The following ELF1 variants were observed in gnomAD, a reference collection of about 807,000 sequenced individuals.
ELF1 encodes the protein ETS-related transcription factor Elf-1.
Under a neutral mutation model 59.9 loss-of-function variants are expected in ELF1, and 24 were observed. The observed-to-expected ratio is 0.40, with a 90% CI of 0.29 to 0.56. The LOEUF is 0.56. ELF1 is among the 20% of genes least tolerant of loss of function. The probability of loss-of-function intolerance (pLI) is 0.44; values close to 1 mark genes in which losing one functional copy is unlikely to be tolerated. For missense variants in ELF1, 627 were observed against 742.2 expected (o/e 0.84, Z 1.80); for synonymous variants, 248 against 266.2 (o/e 0.93, Z 0.67).
chr13:41,028,165 T>C (rs79255372), intron 1 of ELF1, among the ~76,000 whole-genome samples: 535 of 152,290 alleles, frequency 3.5e-3, no homozygotes, highest in African/African-American at 0.012. Flanking sequence ...CAATAATGAT[T>C]CCATGGAACT....
At position 40,933,512 on chromosome 13, in the gene ELF1, A is replaced by G. The variant is rs1382495788; in HGVS notation, c.1773T>C (p.Pro591=). The part of the protein sequence containing the change: ...NTEKTEQQPQ[P]YVMVVSSSNG... Reference sequence around the variant, plus strand: ...TGGAACTGGACACTACCATCACATAAGGCTGTGGCTGCTGCTCCGTTTTCT... The same window carrying G: ...TGGAACTGGACACTACCATCACATAGGGCTGTGGCTGCTGCTCCGTTTTCT... The change falls in exon 9 of 9, where the codon CCT becomes CCC. Residue 591 remains proline, a synonymous_variant. Transcript: ENST00000239882. 3.1e-6 allele frequency: 5 copies of G among 1,614,262 alleles called. No homozygotes were observed. In the East Asian group the frequency reaches 6.7e-5, roughly 22 times the overall value.
intron 1 of ELF1, among the ~76,000 whole-genome samples, chr13:41,038,066 T>TAAAAAAAAAAAAAAAAAAAAAAAAAA (rs4053825): frequency 7.9e-6 from 1 of 126,610 alleles, no homozygotes. Context: ...GAAGAAACCT[T>TAAAAAAAAAAAAAAAAAAAAAAAAAA]AAAAAAAAAA....
chr13:41,047,243 G>T (rs1876885845), intron 1 of ELF1, among the ~76,000 whole-genome samples: 1 of 152,186 alleles, frequency 6.6e-6, no homozygotes, highest in Non-Finnish European at 1.5e-5. Flanking sequence ...TTAGCTCAGA[G>T]AAGTTTGATC....
At chr13:41,008,358 CAACT>C (rs1402013285) in intron 1 of ELF1, among the ~76,000 whole-genome samples, 2 of 152,076 alleles carry the variant, frequency 1.3e-5, no homozygotes, top group African/African-American at 2.4e-5. Context: ...TCAAGGAAAA[CAACT>C]AACAGCAATT....
Position 40,943,111 on chromosome 13 carries a change from G to A in ELF1, c.647C>T (p.Ala216Val), listed in dbSNP as rs1321203417. The change falls in exon 7 of 9, where the codon GCA becomes GTA. Residue 216 changes from alanine (A) to valine (V), a missense_variant. Ala to Val is a moderately conservative substitution (Grantham distance 64, BLOSUM62 0). Around this residue, in one of 3 missense-constraint regions of ELF1, gnomAD observed 232 missense variants for 269.2 expected, o/e 0.86. Coordinates refer to ENST00000239882, the MANE Select transcript of ELF1 (RefSeq NM_172373.4). ...NTIYLWEFLL[A>V]LLQDKATCPK... is the part of the protein sequence containing the mutation. The stretch of plus-strand genomic sequence containing the variant: ...ACAAGTAGCCTTGTCCTGGAGCAGT[G>A]CCAGTAAAAACTCCCAAAGATAAAT... The A allele has an allele frequency of 3.2e-6, 5 of 1,552,034 alleles. No homozygotes were observed. Among genetic ancestry groups the A allele is most frequent in the Non-Finnish European group, 4.4e-6 (5 of 1,146,834 alleles).
intron 1 of ELF1, among the ~76,000 whole-genome samples, chr13:40,984,929 A>T (rs78604481): frequency 0.011 from 1,737 of 152,324 alleles, 15 homozygotes; most frequent in Non-Finnish European, 0.02. Flanking sequence ...TCTTTCAGAA[A>T]TCTAAAAAAT....
At chr13:41,018,064 A>C (rs143506475) in intron 1 of ELF1, among the ~76,000 whole-genome samples, 1 of 152,364 alleles carries the variant, frequency 6.6e-6, no homozygotes, top group African/African-American at 2.4e-5. Flanking sequence ...ACAGGCCTTC[A>C]AGCACTTAGT....
At chr13:40,958,559 T>C (rs999716904) in intron 3 of ELF1, among the ~76,000 whole-genome samples, 2 of 151,712 alleles carry the variant, frequency 1.3e-5, no homozygotes, top group African/African-American at 4.8e-5. Flanking sequence ...CAGTGAAGAC[T>C]TGATGAATTG....
At chr13:40,961,578 G>A (rs1431844275) in intron 2 of ELF1, among the ~76,000 whole-genome samples, 3 of 151,858 alleles carry the variant, frequency 2.0e-5, no homozygotes, top group African/African-American at 4.8e-5. Flanking sequence ...AAAAAAGAAA[G>A]AAAAAAATTA....
intron 1 of ELF1, among the ~76,000 whole-genome samples, chr13:41,008,440 C>T (rs531006938): frequency 2.0e-5 from 3 of 152,176 alleles, no homozygotes; most frequent in South Asian, 2.1e-4. Flanking sequence ...ATGTATCTAC[C>T]GCTTTGACTC....
intron 1 of ELF1, among the ~76,000 whole-genome samples, chr13:40,988,890 T>C (rs9566645): frequency 0.18 from 28,019 of 152,130 alleles, 2,759 homozygotes; most frequent in East Asian, 0.26. Context: ...AACCTCCGCC[T>C]GGGTTCAAGT....
intron 1 of ELF1, among the ~76,000 whole-genome samples, chr13:41,049,540 A>T (rs1876996534): frequency 6.6e-6 from 1 of 152,174 alleles, no homozygotes; most frequent in Non-Finnish European, 1.5e-5. Context: ...GATACCTTGC[A>T]GCCTCATCTC....
At chr13:41,023,871 T>C (rs1875780865), upstream of ELF1, among the ~76,000 whole-genome samples, 1 of 152,214 alleles carries the variant, frequency 6.6e-6, no homozygotes, top group Middle Eastern at 3.2e-3. Context: ...TTCCTAAAAC[T>C]GCTCACTGAG....
chr13:41,037,197 T>C (rs1035140817), intron 1 of ELF1, among the ~76,000 whole-genome samples: 1 of 152,088 alleles, frequency 6.6e-6, no homozygotes, highest in Non-Finnish European at 1.5e-5. Context: ...ATGTGCTAAG[T>C]GTCATATACA....
chr13:40,944,069 G>A (rs1870355740), intron 5 of ELF1, 144 bp from the exon 6 acceptor site: 2 of 674,426 alleles, frequency 3.0e-6, no homozygotes, highest in Non-Finnish European at 4.9e-6. Flanking sequence ...TTAAAATGCT[G>A]TTTACTAAAA....
intron 1 of ELF1, among the ~76,000 whole-genome samples, chr13:40,990,172 A>AATAC (rs1166928109): frequency 6.6e-6 from 1 of 152,218 alleles, no homozygotes; most frequent in Non-Finnish European, 1.5e-5. Context: ...GCTGGTAGGA[A>AATAC]ATACATCAGG....
chr13:40,960,773 G>C (rs1871765831), intron 2 of ELF1, among the ~76,000 whole-genome samples: 1 of 152,098 alleles, frequency 6.6e-6, no homozygotes, highest in South Asian at 2.1e-4. Flanking sequence ...GTATCTACCA[G>C]GTTTCTCTAT....
upstream of ELF1, among the ~76,000 whole-genome samples, chr13:41,022,644 G>GC (rs1875734720): frequency 6.6e-6 from 1 of 152,204 alleles, no homozygotes; most frequent in East Asian, 1.9e-4. Context: ...ACTTTGGGAG[G>GC]CCAAGGCAGG....
chr13:40,942,929 T>G, intron 7 of ELF1, 23 bp downstream of exon 7: 1 of 1,510,294 alleles, frequency 6.6e-7, no homozygotes, highest in Non-Finnish European at 8.9e-7. Flanking sequence ...CTTAACACAA[T>G]AAAATACCAA....
Sources: gnomAD v4.1 joint callset for allele counts (sites outside exome capture counted in the v4.1 genomes callset) on GRCh38, gnomAD v4.1.1 for gene constraint, gnomAD v4.1.1 regional missense constraint, MANE v1.5 for transcripts, NCBI Gene and HGNC (gene_info 2026-07-23, HGNC 2026-07-21) for gene names.